The following TMTC2 variants were observed in gnomAD, a reference collection of about 807,000 sequenced individuals.
The protein encoded by TMTC2 is transmembrane O-mannosyltransferase targeting cadherins 2.
In TMTC2, 43 loss-of-function variants were observed where a neutral mutation model predicts 82.4. The ratio of observed to expected loss-of-function variants is 0.52; its 90% CI spans 0.41 to 0.67. The LOEUF (loss-of-function observed/expected upper bound fraction) is 0.67. Ranked by LOEUF, TMTC2 falls within the 30% of genes least tolerant of loss-of-function variation. The pLI, the probability that TMTC2 is intolerant of heterozygous loss-of-function variation, is 0.00. For synonymous variants in TMTC2, 408 were observed against 381.9 expected (o/e 1.07, Z -0.80); for missense variants, 919 against 1,012.4 (o/e 0.91, Z 1.25).
intron 1 of TMTC2, among the ~76,000 whole-genome samples, chr12:82,713,599 A>G (rs530206179): frequency 1.1e-4 from 16 of 152,320 alleles, no homozygotes; most frequent in African/African-American, 3.4e-4. Context: ...TGAACTCATC[A>G]GATCTCGTGA....
intron 11 of TMTC2, among the ~76,000 whole-genome samples, chr12:83,084,586 T>C (rs1463582238): frequency 2.0e-5 from 3 of 152,182 alleles, no homozygotes; most frequent in Non-Finnish European, 4.4e-5. Flanking sequence ...AGGATACGAA[T>C]AATGAGCCAG....
chr12:82,753,500 T>G (rs1247439725), intron 1 of TMTC2, among the ~76,000 whole-genome samples: 1 of 152,200 alleles, frequency 6.6e-6, no homozygotes, highest in East Asian at 1.9e-4. Flanking sequence ...TTTTTAATAT[T>G]GACCAATGTT....
chr12:82,838,102 A>G (rs1870146758), intron 1 of TMTC2, among the ~76,000 whole-genome samples: 1 of 152,210 alleles, frequency 6.6e-6, no homozygotes, highest in South Asian at 2.1e-4. Context: ...TAGTTGTCCT[A>G]CAAACTTCCC....
At chr12:82,899,878 T>A (rs1357276617) in intron 3 of TMTC2, among the ~76,000 whole-genome samples, 1 of 144,058 alleles carries the variant, frequency 6.9e-6, no homozygotes, top group Admixed American at 7.2e-5. Context: ...TATATACATA[T>A]CCGGAATATA....
At chr12:83,098,401 C>G (rs1026012893) in intron 11 of TMTC2, among the ~76,000 whole-genome samples, 2 of 152,184 alleles carry the variant, frequency 1.3e-5, no homozygotes, top group African/African-American at 4.8e-5. Context: ...CTTCATCTCT[C>G]TTTTCACTGC....
chr12:82,971,266 C>T (rs1275520882), intron 7 of TMTC2, among the ~76,000 whole-genome samples: 2 of 151,964 alleles, frequency 1.3e-5, no homozygotes, highest in Non-Finnish European at 2.9e-5. Flanking sequence ...GTTACCTAAA[C>T]TATCATATTT....
intron 1 of TMTC2, among the ~76,000 whole-genome samples, chr12:82,816,033 TG>T (rs1417430943): frequency 7.2e-5 from 11 of 152,094 alleles, no homozygotes. Context: ...ACATAGTACT[TG>T]ATATAGTAGT....
chr12:83,011,370 C>T (rs758732320), intron 8 of TMTC2, among the ~76,000 whole-genome samples: 1 of 152,132 alleles, frequency 6.6e-6, no homozygotes, highest in Non-Finnish European at 1.5e-5. Flanking sequence ...AGGGAAAAAG[C>T]ATTTTCTTGT....
chr12:82,941,589 A>G (rs549088679), intron 4 of TMTC2, among the ~76,000 whole-genome samples: 2 of 152,122 alleles, frequency 1.3e-5, no homozygotes, highest in Non-Finnish European at 2.9e-5. Context: ...ATTACTGGCC[A>G]TGTGTTCTTA....
intron 1 of TMTC2, among the ~76,000 whole-genome samples, chr12:82,708,143 CT>C (rs1873457339): frequency 6.6e-6 from 1 of 152,092 alleles, no homozygotes; most frequent in Non-Finnish European, 1.5e-5. Flanking sequence ...TGACAGAGAC[CT>C]TGGGGCTTGC....
At position 82,729,881 on chromosome 12, in the gene TMTC2, C is replaced by T. The variant is rs1053825823; in HGVS notation, c.83+42212C>T. Among the ~76,000 whole-genome samples, 7 of 152,292 alleles carry T rather than the reference C, an allele frequency of 4.6e-5. No homozygotes were observed. The East Asian group carries it at 9.7e-4, about 21-fold the overall frequency. On this transcript the variant is annotated intron_variant, in intron 1 of 11. Transcript: ENST00000321196. ...CTCATGGCGAAGGTCTGCAGCTTCA[C>T]TCCTGAAGCCAGCAAGACCACGAAC...
At chr12:83,080,212 C>T (rs1883415616) in intron 11 of TMTC2, among the ~76,000 whole-genome samples, 1 of 152,112 alleles carries the variant, frequency 6.6e-6, no homozygotes, top group African/African-American at 2.4e-5. Context: ...TATGATTACA[C>T]TTGAATTTGT....
intron 1 of TMTC2, among the ~76,000 whole-genome samples, chr12:82,779,072 A>C (rs1457490770): frequency 6.6e-6 from 1 of 151,712 alleles, no homozygotes; most frequent in Admixed American, 6.6e-5. Flanking sequence ...CACAGCCTGA[A>C]ATTTAAAGGC....
At chr12:82,993,614 A>T (rs1422159816) in intron 8 of TMTC2, among the ~76,000 whole-genome samples, 1 of 152,152 alleles carries the variant, frequency 6.6e-6, no homozygotes, top group Non-Finnish European at 1.5e-5. Context: ...GGCTATTATT[A>T]TATTATTAGT....
At chr12:83,125,399 G>T (rs942872249) in intron 11 of TMTC2, among the ~76,000 whole-genome samples, 1 of 152,182 alleles carries the variant, frequency 6.6e-6, no homozygotes, top group African/African-American at 2.4e-5. Context: ...GTGATATTTT[G>T]TATGATGTTA....
intron 1 of TMTC2, among the ~76,000 whole-genome samples, chr12:82,796,324 A>C (rs1044567338): frequency 6.6e-6 from 1 of 152,116 alleles, no homozygotes; most frequent in Non-Finnish European, 1.5e-5. Context: ...ATTTGCTATA[A>C]AAATTAGTTC....
intron 7 of TMTC2, among the ~76,000 whole-genome samples, chr12:82,970,119 G>A (rs994122404): frequency 6.6e-6 from 1 of 152,074 alleles, no homozygotes; most frequent in African/African-American, 2.4e-5. Flanking sequence ...AGATACCCTC[G>A]GTTCAAATTA....
intron 1 of TMTC2, among the ~76,000 whole-genome samples, chr12:82,842,432 A>G (rs1394562390): frequency 1.3e-5 from 2 of 148,544 alleles, no homozygotes; most frequent in Non-Finnish European, 2.9e-5. Context: ...TTAAAACCCT[A>G]TTTACAATCA....
intron 4 of TMTC2, among the ~76,000 whole-genome samples, chr12:82,964,436 A>G (rs1288037326): frequency 6.6e-6 from 1 of 152,136 alleles, no homozygotes; most frequent in South Asian, 2.1e-4. Flanking sequence ...TCCGAAATCC[A>G]GTCTTATTCA....
Sources: allele counts gnomAD v4.1 joint callset (sites outside exome capture counted in the v4.1 genomes callset), GRCh38; gene constraint gnomAD v4.1.1; transcripts MANE v1.5; gene names NCBI Gene and HGNC (gene_info 2026-07-23, HGNC 2026-07-21).